Variants in PRKAG2 observed in about 807,000 individuals in gnomAD.
PRKAG2 encodes 5'-AMP-activated protein kinase subunit gamma-2.
A neutral mutation model predicts 69.6 loss-of-function variants in PRKAG2; 26 were observed. That is an observed-to-expected ratio of 0.37 (90% CI 0.27 to 0.52). The LOEUF is 0.52. PRKAG2 is among the 20% of genes least tolerant of loss of function. The pLI, the probability that PRKAG2 is intolerant of heterozygous loss-of-function variation, is 0.90. For synonymous variants in PRKAG2, 293 were observed against 285.0 expected (o/e 1.03, Z -0.28); for missense variants, 557 against 740.0 (o/e 0.75, Z 2.87).
intron 3 of PRKAG2, among the ~76,000 whole-genome samples, chr7:151,722,578 T>C (rs750608369): frequency 4.6e-5 from 7 of 152,084 alleles, no homozygotes; most frequent in Non-Finnish European, 8.8e-5. Context: ...TGCTAGACTT[T>C]AGCAGGTGAG....
intron 1 of PRKAG2, among the ~76,000 whole-genome samples, chr7:151,868,445 C>T (rs987389334): frequency 6.6e-6 from 1 of 152,246 alleles, no homozygotes; most frequent in East Asian, 1.9e-4. Context: ...TCTCAGGTGG[C>T]CCCTCTGCTC....
intron 2 of PRKAG2, 129 bp downstream of exon 2, chr7:151,786,341 G>A (rs1013152352): frequency 6.0e-5 from 54 of 904,522 alleles, no homozygotes; most frequent in Non-Finnish European, 9.0e-5. Context: ...GCTCGGTTAC[G>A]GCCAGGTGTG....
intron 1 of PRKAG2, among the ~76,000 whole-genome samples, chr7:151,813,255 C>T (rs377761678): frequency 9.9e-5 from 15 of 152,190 alleles, no homozygotes; most frequent in African/African-American, 3.1e-4. Flanking sequence ...TCTTCCAACA[C>T]CTACAATCCG....
chr7:151,836,574 G>C lies in PRKAG2; in HGVS notation c.114+39933C>G, dbSNP rs1192992088. On this transcript the variant is annotated intron_variant, in intron 1 of 15. Coordinates refer to ENST00000287878, the MANE Select transcript of PRKAG2 (RefSeq NM_016203.4). The surrounding 1 kb of genome is among the most constrained non-coding windows in gnomAD (Gnocchi z 4.1). Reference sequence around the variant, plus strand: ...TCAGAACTTGCCCCCTTCCCAGTGTGAATTCCCCTCCGATGGGGTGTGGAG... The same window carrying C: ...TCAGAACTTGCCCCCTTCCCAGTGTCAATTCCCCTCCGATGGGGTGTGGAG... Among the ~76,000 whole-genome samples the C allele has an allele frequency of 6.6e-6, 1 of 152,240 alleles. No homozygotes were observed. Among genetic ancestry groups the C allele is most frequent in the African/African-American group, 2.4e-5 (1 of 41,466 alleles).
chr7:151,687,840 C>A (rs73158159), intron 3 of PRKAG2, among the ~76,000 whole-genome samples: 10 of 152,222 alleles, frequency 6.6e-5, no homozygotes. Flanking sequence ...AAAAAGCACA[C>A]GGTCGCACCA....
chr7:151,805,445 C>T (rs1487951058), intron 1 of PRKAG2, among the ~76,000 whole-genome samples: 2 of 152,122 alleles, frequency 1.3e-5, no homozygotes, highest in African/African-American at 4.8e-5. Context: ...CCAGATGACT[C>T]CTAAATCCAT....
intron 1 of PRKAG2, among the ~76,000 whole-genome samples, chr7:151,830,613 C>G (rs542187932): frequency 6.6e-6 from 1 of 151,880 alleles, no homozygotes; most frequent in Non-Finnish European, 1.5e-5. Context: ...TGTGCCTCCC[C>G]GGCCCTCCCG....
intron 5 of PRKAG2, among the ~76,000 whole-genome samples, chr7:151,622,554 C>T (rs1821792464): frequency 6.6e-6 from 1 of 152,142 alleles, no homozygotes. Flanking sequence ...AAATGGGAGG[C>T]AATGGAGAAG....
At chr7:151,820,184 G>A (rs982640376) in intron 1 of PRKAG2, among the ~76,000 whole-genome samples, 3 of 152,240 alleles carry the variant, frequency 2.0e-5, no homozygotes, top group African/African-American at 4.8e-5. Flanking sequence ...CGCTATTCAC[G>A]CCGGCAGCTG....
At chr7:151,562,370 A>G (rs144822101) in intron 14 of PRKAG2, among the ~76,000 whole-genome samples, 28 of 151,832 alleles carry the variant, frequency 1.8e-4, no homozygotes, top group African/African-American at 5.8e-4. Flanking sequence ...AAACAGGGAC[A>G]TAGGAAGGAG....
chr7:151,868,145 G>A lies in PRKAG2; in HGVS notation c.114+8362C>T, dbSNP rs117816124. On this transcript the variant is annotated intron_variant, in intron 1 of 15. Coordinates refer to ENST00000287878, the MANE Select transcript of PRKAG2 (RefSeq NM_016203.4). ...AAGCCTGGTGATAGCCGATTGGTCC[G>A]TGACCAGCCATGGGTTGGCAGAGAG... 4.6e-5 allele frequency among the ~76,000 whole-genome samples: 7 copies of A among 152,340 alleles called. No individual in the cohort carries two copies. The East Asian group carries it at 7.7e-4, about 17-fold the overall frequency.
intron 3 of PRKAG2, among the ~76,000 whole-genome samples, chr7:151,703,890 ACACACACACACACACACAC>A: frequency 1.4e-5 from 2 of 143,908 alleles, no homozygotes; most frequent in Non-Finnish European, 3.0e-5. Context: ...ACACACACAC[ACACACACACACACACACAC>A]AAATTAGCTA....
intron 12 of PRKAG2, 25 bp from the exon 13 acceptor site, chr7:151,565,408 A>C: frequency 7.6e-7 from 1 of 1,322,932 alleles, no homozygotes; most frequent in Non-Finnish European, 1.1e-6. Context: ...TATATGTTAG[A>C]AAAATGTCTT....
intron 1 of PRKAG2, among the ~76,000 whole-genome samples, chr7:151,867,284 C>G (rs2080103846): frequency 6.6e-6 from 1 of 152,194 alleles, no homozygotes; most frequent in Non-Finnish European, 1.5e-5. Context: ...TGCGGCACCA[C>G]ATACTGGGGG....
intron 3 of PRKAG2, among the ~76,000 whole-genome samples, chr7:151,711,737 G>A (rs919203131): frequency 2.0e-5 from 3 of 152,182 alleles, no homozygotes; most frequent in African/African-American, 7.2e-5. Context: ...AAGAGAACAG[G>A]CTCTCCATCA....
intron 3 of PRKAG2, among the ~76,000 whole-genome samples, chr7:151,739,260 G>C (rs1398700249): frequency 6.6e-6 from 1 of 152,162 alleles, no homozygotes; most frequent in African/African-American, 2.4e-5. Context: ...CTGCCTAGGG[G>C]ACCTGACCCA....
chr7:151,839,960 T>C (rs894178689), intron 1 of PRKAG2, among the ~76,000 whole-genome samples: 1 of 151,970 alleles, frequency 6.6e-6, no homozygotes, highest in African/African-American at 2.4e-5. Flanking sequence ...TCTTGGACAA[T>C]TGGGGGCAGG....
At chr7:151,668,913 T>A (rs889167975) in intron 4 of PRKAG2, among the ~76,000 whole-genome samples, 1 of 152,188 alleles carries the variant, frequency 6.6e-6, no homozygotes, top group African/African-American at 2.4e-5. Context: ...ATGGGGAGCA[T>A]GGGAGTGACT....
intron 3 of PRKAG2, among the ~76,000 whole-genome samples, chr7:151,706,922 G>A (rs571066481): frequency 4.3e-4 from 65 of 152,230 alleles, no homozygotes; most frequent in Non-Finnish European, 6.6e-4. Context: ...CTCCAGAGGC[G>A]TCTACCATGA....
Sources: allele counts gnomAD v4.1 joint callset (sites outside exome capture counted in the v4.1 genomes callset), GRCh38; gene constraint gnomAD v4.1.1; non-coding constraint Gnocchi (gnomAD v3.1); transcripts MANE v1.5; gene names NCBI Gene and HGNC (gene_info 2026-07-23, HGNC 2026-07-21).